The following MECOM variants were observed in gnomAD, a reference collection of about 807,000 sequenced individuals.
The protein encoded by MECOM is MDS1 and EVI1 complex locus.
Under a neutral mutation model 116.3 loss-of-function variants are expected in MECOM, and 13 were observed. The ratio of observed to expected loss-of-function variants is 0.11; its 90% CI spans 0.07 to 0.18. MECOM has a LOEUF of 0.18. MECOM is among the 10% of genes least tolerant of loss of function. MECOM has a pLI of 1.00. For missense variants in MECOM, 1,299 were observed against 1,509.0 expected, an observed-to-expected ratio of 0.86 and a Z score of 2.31; for synonymous variants, 528 against 535.2, an observed-to-expected ratio of 0.99 and a Z score of 0.19.
intron 2 of MECOM, among the ~76,000 whole-genome samples, chr3:169,177,700 T>C (rs574853957): frequency 6.6e-6 from 1 of 152,242 alleles, no homozygotes; most frequent in South Asian, 2.1e-4. Flanking sequence ...GCAGATTACC[T>C]TAGGTCAGGA....
At chr3:169,394,311 G>C (rs1436649265) in intron 1 of MECOM, among the ~76,000 whole-genome samples, 1 of 152,172 alleles carries the variant, frequency 6.6e-6, no homozygotes, top group Admixed American at 6.6e-5. Flanking sequence ...AATCTTGTTG[G>C]GGAGATAAGG....
chr3:169,637,774 C>A (rs1772996304), intron 1 of MECOM, among the ~76,000 whole-genome samples: 1 of 152,164 alleles, frequency 6.6e-6, no homozygotes, highest in East Asian at 1.9e-4. Context: ...AGCTACTCTT[C>A]AAATTAAAAA....
At chr3:169,599,287 G>A (rs1021601909) in intron 1 of MECOM, among the ~76,000 whole-genome samples, 1 of 152,076 alleles carries the variant, frequency 6.6e-6, no homozygotes, top group African/African-American at 2.4e-5. Flanking sequence ...AGGCCGAGGC[G>A]GGCAGATCAC....
chr3:169,149,597 C>A, intron 2 of MECOM: 1 of 434,214 alleles, frequency 2.3e-6, no homozygotes, highest in Non-Finnish European at 4.7e-6. Context: ...TTCCGCCTCG[C>A]CCGCCGTTCC....
chr3:169,366,658 C>T (rs1283055431), intron 2 of MECOM, among the ~76,000 whole-genome samples: 1 of 151,970 alleles, frequency 6.6e-6, no homozygotes, highest in East Asian at 1.9e-4. Flanking sequence ...TCTATGCTGG[C>T]ATCACACACC....
chr3:169,300,576 T>A (rs1404134156), intron 2 of MECOM, among the ~76,000 whole-genome samples: 2 of 152,204 alleles, frequency 1.3e-5, no homozygotes, highest in Non-Finnish European at 2.9e-5. Flanking sequence ...AGTCTAATCA[T>A]GGTAGCACAT....
chr3:169,560,877 T>C (rs1377347229), intron 1 of MECOM, among the ~76,000 whole-genome samples: 1 of 152,018 alleles, frequency 6.6e-6, no homozygotes, highest in Non-Finnish European at 1.5e-5. Context: ...TTTTTCTATA[T>C]TTTCTAATTT....
At chr3:169,657,619 T>TGAA (rs938829203) in intron 1 of MECOM, among the ~76,000 whole-genome samples, 4 of 152,208 alleles carry the variant, frequency 2.6e-5, no homozygotes, top group Non-Finnish European at 5.9e-5. Context: ...ATTCAGGACT[T>TGAA]TCTCTCCTCC....
intron 2 of MECOM, among the ~76,000 whole-genome samples, chr3:169,196,218 T>G (rs1218100327): frequency 6.6e-6 from 1 of 151,974 alleles, no homozygotes; most frequent in Non-Finnish European, 1.5e-5. Flanking sequence ...GAGATGGCAT[T>G]TTATATCTAT....
At chr3:169,199,415 C>G (rs1042903533) in intron 2 of MECOM, among the ~76,000 whole-genome samples, 5 of 151,846 alleles carry the variant, frequency 3.3e-5, no homozygotes, top group Non-Finnish European at 7.4e-5. Flanking sequence ...CTTTTGTTTT[C>G]TTTCTTTTCT....
intron 2 of MECOM, among the ~76,000 whole-genome samples, chr3:169,223,330 C>T (rs1022172784): frequency 4.2e-4 from 57 of 136,424 alleles, no homozygotes; most frequent in Non-Finnish European, 4.2e-4. Flanking sequence ...GTTCCCCACC[C>T]TGTGTCCAAG....
chr3:169,625,079 T>A (rs1398437806), intron 1 of MECOM, among the ~76,000 whole-genome samples: 1 of 151,216 alleles, frequency 6.6e-6, no homozygotes, highest in Non-Finnish European at 1.5e-5. Flanking sequence ...AAAAGAAAAC[T>A]GGCTTTAGGA....
At chr3:169,476,243 T>A (rs1336807134) in intron 1 of MECOM, among the ~76,000 whole-genome samples, 1 of 152,248 alleles carries the variant, frequency 6.6e-6, no homozygotes, top group African/African-American at 2.4e-5. Context: ...GATGTCTTCA[T>A]AATGTATTAC....
chr3:169,521,358 G>T (rs1016668108), intron 1 of MECOM, among the ~76,000 whole-genome samples: 2 of 152,136 alleles, frequency 1.3e-5, no homozygotes, highest in South Asian at 2.1e-4. Flanking sequence ...ATTGGTAAAT[G>T]CTCACTGTGA....
intron 8 of MECOM, 107 bp downstream of exon 8, chr3:169,115,276 T>C (rs1728785234): frequency 1.6e-6 from 2 of 1,214,608 alleles, no homozygotes; most frequent in Non-Finnish European, 2.2e-6. Context: ...CTTCACTCTG[T>C]TTTATAATAA....
intron 2 of MECOM, among the ~76,000 whole-genome samples, chr3:169,202,695 C>T (rs940668504): frequency 4.6e-5 from 7 of 151,422 alleles, no homozygotes; most frequent in African/African-American, 1.5e-4. Context: ...AAGAGTACAT[C>T]AATGTCCAGG....
intron 2 of MECOM, among the ~76,000 whole-genome samples, chr3:169,288,092 T>A (rs1713730668): frequency 6.6e-6 from 1 of 152,116 alleles, no homozygotes; most frequent in Non-Finnish European, 1.5e-5. Context: ...TATAAAACAG[T>A]AAGACATTAG....
intron 2 of MECOM, among the ~76,000 whole-genome samples, chr3:169,188,075 ATT>A (rs1747005936): frequency 6.6e-6 from 1 of 152,070 alleles, no homozygotes; most frequent in African/African-American, 2.4e-5. Context: ...ATCTACTTAG[ATT>A]CCCGTAATAA....
chr3:169,584,968 C>G (rs1560462484), intron 1 of MECOM, among the ~76,000 whole-genome samples: 1 of 152,178 alleles, frequency 6.6e-6, no homozygotes, highest in Non-Finnish European at 1.5e-5. Flanking sequence ...GCGAAAGGAT[C>G]TTACGAGAAT....
Sources: allele counts gnomAD v4.1 joint callset (sites outside exome capture counted in the v4.1 genomes callset), GRCh38; gene constraint gnomAD v4.1.1; transcripts MANE v1.5; gene names NCBI Gene and HGNC (gene_info 2026-07-23, HGNC 2026-07-21).